Variants in SLC44A4 observed in about 807,000 individuals in gnomAD.
The protein encoded by SLC44A4 is choline transporter-like protein 4.
SLC44A4 carries 74 observed loss-of-function variants against 97.0 expected under a neutral mutation model. The ratio of observed to expected loss-of-function variants is 0.76; its 90% CI spans 0.63 to 0.93. The LOEUF is 0.93. Ranked by LOEUF, SLC44A4 falls within the 40% of genes least tolerant of loss-of-function variation. SLC44A4 has a pLI of 0.00. For synonymous variants in SLC44A4, 325 were observed against 363.8 expected, an observed-to-expected ratio of 0.89 and a Z score of 1.21; for missense variants, 799 against 902.9, an observed-to-expected ratio of 0.88 and a Z score of 1.48.
chr6:31,863,766 C>T lies in SLC44A4; in HGVS notation c.2012-18G>A. ...GTCTTCCACTGAGCCGCAACAGAGA[C>T]CGGTTAGAGCGGACCCTGGGGCCAG... On this transcript the variant is annotated intron_variant, in intron 20 of 20. Transcript: ENST00000229729. The T allele has an allele frequency of 6.2e-7, 1 of 1,611,906 alleles. No individual in the cohort carries two copies. The highest frequency in any genetic ancestry group is 8.5e-7 in the Non-Finnish European group (1 of 1,179,676).
At position 31,877,136 on chromosome 6, in the gene SLC44A4, C is replaced by A; in HGVS notation, c.41-54G>T. Reference sequence around the variant, plus strand: ...ATGAGTCTCTCTCTGCATATCTTGTCCTGCTGAGTCCTCCTAGCCCCAGGA... The same window carrying A: ...ATGAGTCTCTCTCTGCATATCTTGTACTGCTGAGTCCTCCTAGCCCCAGGA... On this transcript the variant is annotated intron_variant, in intron 1 of 20. Transcript: ENST00000229729. The surrounding 1 kb of genome is among the most constrained non-coding windows in gnomAD (Gnocchi z 6.5). 1 of 1,551,786 alleles carries A rather than the reference C, an allele frequency of 6.4e-7. No individual in the cohort carries two copies. Among genetic ancestry groups the A allele is most frequent in the Non-Finnish European group, 8.8e-7 (1 of 1,136,446 alleles).
rs1763468885 is a variant in SLC44A4, at chr6:31,876,822, TAAGTC to T, written c.89+207_89+211del. ...TTCTCTCGCTTGTGAAGCCGGCACTTAAGTCAAGAAACAGAACATCCCCCCAGAAC... is the reference window on the plus strand; with the variant it reads ...TTCTCTCGCTTGTGAAGCCGGCACTTAAGAAACAGAACATCCCCCCAGAAC... On this transcript the variant is annotated intron_variant, in intron 2 of 20. Transcript: ENST00000229729. The surrounding 1 kb of genome is among the most constrained non-coding windows in gnomAD (Gnocchi z 4.8). Among the ~76,000 whole-genome samples the T allele has an allele frequency of 6.6e-6, 1 of 152,136 alleles. No individual in the cohort carries two copies. Among genetic ancestry groups the T allele is most frequent in the Non-Finnish European group, 1.5e-5 (1 of 68,004 alleles).
chr6:31,872,839 C>T (rs1331166640), intron 7 of SLC44A4, among the ~76,000 whole-genome samples: 2 of 151,710 alleles, frequency 1.3e-5, no homozygotes, highest in Non-Finnish European at 2.9e-5. Flanking sequence ...CCTTACTGTA[C>T]TTAAATTGAT....
rs912296450 is a variant in SLC44A4 at position 31,876,189 on chromosome 6, G to T, written c.90-60C>A. ...GAGACTTGGGGAGGTAGGGCTTATG[G>T]TCTGGAGGGGTTAAGGGTTAGAGAG... On this transcript the variant is annotated intron_variant, in intron 2 of 20. Coordinates refer to ENST00000229729, the MANE Select transcript of SLC44A4 (RefSeq NM_025257.3). This position sits in a 1 kb window ranked among gnomAD's most constrained non-coding sequence, Gnocchi z 4.8. 9 of 1,389,226 alleles carry T rather than the reference G, an allele frequency of 6.5e-6. No individual in the cohort carries two copies. In the African/African-American group the frequency reaches 1.0e-4, roughly 15 times the overall value. The allele number at this position is 1,389,226 out of a possible 1,614,324, so 86.1% of individuals were successfully genotyped here.
Position 31,869,593 on chromosome 6 carries a change from G to A in SLC44A4, c.1082C>T (p.Thr361Ile). 1.2e-6 allele frequency: 2 copies of A among 1,607,822 alleles called. No homozygotes were observed. The highest frequency in any genetic ancestry group is 1.7e-6 in the Non-Finnish European group (2 of 1,177,710). Residue 361 changes from threonine to isoleucine, a missense_variant, in exon 12 of 21, where the codon ACC (threonine) becomes ATC (isoleucine). This residue lies in a region of SLC44A4 where 11 missense variants were observed against 30.5 expected (regional missense o/e 0.36). Transcript: ENST00000229729. ...AATGCAGATGAGGAGGAGGACAAAGGTGACCAGTGGGTAGAACATGGTAGA... is the reference window on the plus strand; with the variant it reads ...AATGCAGATGAGGAGGAGGACAAAGATGACCAGTGGGTAGAACATGGTAGA... ...MMSTMFYPLV[T>I]FVLLLICIAY...
intron 7 of SLC44A4, among the ~76,000 whole-genome samples, chr6:31,873,976 G>A (rs1280442074): frequency 6.6e-6 from 1 of 152,050 alleles, no homozygotes; most frequent in African/African-American, 2.4e-5. Flanking sequence ...CGGGCGTGGT[G>A]GCGGGCACCA....
rs754690201 is a variant in SLC44A4 at position 31,864,876 on chromosome 6, G to A, written c.1866C>T (p.Ile622=). 3.5e-5 allele frequency: 57 copies of A among 1,613,878 alleles called. No individual in the cohort carries two copies. The highest frequency in any genetic ancestry group is 4.6e-5 in the Non-Finnish European group (54 of 1,179,994). The change falls in exon 19 of 21, where the codon ATC becomes ATT. Residue 622 remains isoleucine (I), a synonymous_variant. Transcript: ENST00000229729. ...VLSFFFFSGR[I]PGLGKDFKSP... ...TCTTAAAGTCTTTACCCAGCCCCGGGATGCGACCGGAGAAAAAAAAGAAGG... is the reference window on the plus strand; with the variant it reads ...TCTTAAAGTCTTTACCCAGCCCCGGAATGCGACCGGAGAAAAAAAAGAAGG...
intron 13 of SLC44A4, among the ~76,000 whole-genome samples, chr6:31,866,954 G>T (rs1237381155): frequency 6.6e-6 from 1 of 151,950 alleles, no homozygotes; most frequent in Non-Finnish European, 1.5e-5. Context: ...AAAAGTTGAG[G>T]GTTGTGGAAT....
Position 31,877,064 on chromosome 6 carries a change from TC to T in SLC44A4, c.58del (p.Asp20ThrfsTer27). ...DEAYGKPVKY[D>X]PSFRGPIKNR... ...CTTGATGGGGCCTCGAAAGGAGGGG[TC>T]GTATTTGACTGGCTTCCCTGAGGGA... On this transcript the variant is annotated frameshift_variant, in exon 2 of 21. Transcript: ENST00000229729. LOFTEE classifies it high-confidence loss of function. The surrounding 1 kb of genome is among the most constrained non-coding windows in gnomAD (Gnocchi z 6.5). 1.9e-6 allele frequency: 3 copies of T among 1,608,386 alleles called. No individual in the cohort carries two copies. The highest frequency in any genetic ancestry group is 2.5e-6 in the Non-Finnish European group (3 of 1,178,840).
Position 31,863,545 on chromosome 6 carries a change from A to G in SLC44A4, c.*82T>C, listed in dbSNP as rs1762665342. 2.0e-6 allele frequency: 3 copies of G among 1,520,234 alleles called. No homozygotes were observed. The highest frequency in any genetic ancestry group is 1.4e-5 in the African/African-American group (1 of 70,214). The allele number at this position is 1,520,234 out of a possible 1,614,324, so 94.2% of individuals were successfully genotyped here. On this transcript the variant is annotated 3_prime_UTR_variant, in exon 21 of 21. Transcript: ENST00000229729. ...TGGCCTAAAACCTTTTTTTACCACA[A>G]AATGGAGACCTGTAAGGCGAAGTGA...
intron 20 of SLC44A4, 56 bp downstream of exon 20, chr6:31,864,596 G>T: frequency 9.9e-6 from 14 of 1,409,530 alleles, no homozygotes; most frequent in Non-Finnish European, 1.4e-5. Context: ...AAAAAAAAAT[G>T]CTTGAACGGC....
In SLC44A4 at chr6:31,877,002, C is replaced by T. The variant is rs144145215; in HGVS notation, c.89+32G>A. On this transcript the variant is annotated intron_variant, in intron 2 of 20. Coordinates refer to ENST00000229729, the MANE Select transcript of SLC44A4 (RefSeq NM_025257.3). This position sits in a 1 kb window ranked among gnomAD's most constrained non-coding sequence, Gnocchi z 6.5. ...GATTCCACACTGCACCCACCACCCCCGCCAGCCCCCGGAGCAGTGCCCAGA... is the reference window on the plus strand; with the variant it reads ...GATTCCACACTGCACCCACCACCCCTGCCAGCCCCCGGAGCAGTGCCCAGA... 31 of 1,596,170 alleles carry T rather than the reference C, an allele frequency of 1.9e-5. No individual in the cohort carries two copies. Among genetic ancestry groups the T allele is most frequent in the African/African-American group, 9.4e-5 (7 of 74,860 alleles).
At position 31,865,423 on chromosome 6, in the gene SLC44A4, G is replaced by A. The variant is rs766891240; in HGVS notation, c.1687-35C>T. ...GTGGAAAGGTCAGAGTTACCAAGGC[G>A]AGCTGCCTGGACCAGGATGGGGGTG... On this transcript the variant is annotated intron_variant, in intron 16 of 20. Transcript: ENST00000229729. This position sits in a 1 kb window ranked among gnomAD's most constrained non-coding sequence, Gnocchi z 5.2. 4 of 1,613,044 alleles carry A rather than the reference G, an allele frequency of 2.5e-6. No individual in the cohort carries two copies. The highest frequency in any genetic ancestry group is 2.5e-6 in the Non-Finnish European group (3 of 1,179,076).
chr6:31,871,562 C>G lies in SLC44A4; in HGVS notation c.530-1G>C, dbSNP rs144415117. On this transcript the variant is annotated splice_acceptor_variant, in intron 7 of 20. Transcript: ENST00000229729. LOFTEE classifies it high-confidence loss of function. Reference sequence around the variant, plus strand: ...GTCCATGGAAAGCAGCGCCCCAGAGCTGGAAGGGAGAGCCGGGCTGCTGGG... The same window carrying G: ...GTCCATGGAAAGCAGCGCCCCAGAGGTGGAAGGGAGAGCCGGGCTGCTGGG... The G allele has an allele frequency of 4.9e-5, 79 of 1,612,962 alleles. 1 individual carries two copies. The highest frequency in any genetic ancestry group is 6.4e-5 in the Non-Finnish European group (75 of 1,179,256).
At chr6:31,867,092 T>G (rs1420486115) in intron 13 of SLC44A4, among the ~76,000 whole-genome samples, 2 of 151,934 alleles carry the variant, frequency 1.3e-5, no homozygotes, top group African/African-American at 4.8e-5. Flanking sequence ...AAAAAAATTT[T>G]TTTTTGACAC....
chr6:31,870,067 G>A (rs938079545), intron 11 of SLC44A4, among the ~76,000 whole-genome samples: 3 of 152,210 alleles, frequency 2.0e-5, no homozygotes, highest in Non-Finnish European at 1.5e-5. Flanking sequence ...AACAGGGTTA[G>A]TGACATTGTC....
rs762774147 is a variant in SLC44A4 at position 31,865,304 on chromosome 6, A to G, written c.1760+11T>C. 1.9e-6 allele frequency: 3 copies of G among 1,612,966 alleles called. No individual in the cohort carries two copies. The highest frequency in any genetic ancestry group is 1.1e-5 in the South Asian group (1 of 91,028). On this transcript the variant is annotated intron_variant, in intron 17 of 20. Transcript: ENST00000229729. This position sits in a 1 kb window ranked among gnomAD's most constrained non-coding sequence, Gnocchi z 5.2. The stretch of plus-strand genomic sequence containing the variant: ...GGAGGGAGCCACAAAGCGGGGGGGG[A>G]GCAGCCTAACCTGACAATGTTTCGC...
At chr6:31,875,789 G>C (rs1763407002) in intron 4 of SLC44A4, 63 bp downstream of exon 4, 1 of 1,435,340 alleles carries the variant, frequency 7.0e-7, no homozygotes, top group Admixed American at 1.9e-5. Context: ...GAGTTGGGGG[G>C]GTGTCTCCTG....
At position 31,863,733 on chromosome 6, in the gene SLC44A4, CG is replaced by C. The variant is rs1581828950; in HGVS notation, c.2026del (p.Arg676GlyfsTer17). 1 of 1,612,682 alleles carries C rather than the reference CG, an allele frequency of 6.2e-7. No homozygotes were observed. The highest frequency in any genetic ancestry group is 8.5e-7 in the Non-Finnish European group (1 of 1,179,944). ...GGGCCGGTCCAGGGAGCCGTTGTTC[CG>C]CTCCAGGTCTTCCACTGAGCCGCAA... ...LFLCFLEDLE[R>X]NNGSLDRPYY... On this transcript the variant is annotated frameshift_variant, in exon 21 of 21. Coordinates refer to ENST00000229729, the MANE Select transcript of SLC44A4 (RefSeq NM_025257.3). LOFTEE classifies it high-confidence loss of function.
Sources: allele counts gnomAD v4.1 joint callset (sites outside exome capture counted in the v4.1 genomes callset), GRCh38; gene constraint gnomAD v4.1.1; regional missense constraint gnomAD v4.1.1; non-coding constraint Gnocchi (gnomAD v3.1); transcripts MANE v1.5; gene names NCBI Gene and HGNC (gene_info 2026-07-23, HGNC 2026-07-21).